DPP3: variants seen among roughly 807,000 people sequenced by gnomAD.
The protein encoded by DPP3 is DPP III.
In DPP3, 64 loss-of-function variants were observed where a neutral mutation model predicts 89.8. The ratio of observed to expected loss-of-function variants is 0.71; its 90% CI spans 0.58 to 0.88. The LOEUF is 0.88. Ranked by LOEUF, DPP3 falls within the 40% of genes least tolerant of loss-of-function variation. The pLI, the probability that DPP3 is intolerant of heterozygous loss-of-function variation, is 0.00. For missense variants in DPP3, 835 were observed against 972.5 expected (o/e 0.86, Z 1.88); for synonymous variants, 377 against 404.3 (o/e 0.93, Z 0.81).
chr11:66,480,601 G>A (rs1448209096), intron 1 of DPP3, 136 bp downstream of exon 1: 23 of 1,021,022 alleles, frequency 2.3e-5, no homozygotes, highest in Non-Finnish European at 3.1e-5. Context: ...CGCCCTCGAG[G>A]CCAAGGAGTG....
intron 4 of DPP3, among the ~76,000 whole-genome samples, chr11:66,486,961 A>T (rs1855246452): frequency 6.6e-6 from 1 of 152,036 alleles, no homozygotes; most frequent in Admixed American, 6.6e-5. Context: ...GGAGCTGAGG[A>T]GGGGATGGCA....
chr11:66,493,742 G>C, intron 12 of DPP3, 109 bp downstream of exon 12: 1 of 1,185,644 alleles, frequency 8.4e-7, no homozygotes, highest in Non-Finnish European at 1.2e-6. Context: ...GGAGCTATGG[G>C]TTGAGTGGGG....
At chr11:66,504,522 G>A in intron 16 of DPP3, 90 bp from the exon 17 acceptor site, 2 of 1,455,532 alleles carry the variant, frequency 1.4e-6, no homozygotes, top group Non-Finnish European at 1.8e-6. Context: ...GACTGTCCAG[G>A]GCTGACCACA....
chr11:66,505,625 T>TGAGGCACA (rs1855780696), intron 17 of DPP3, among the ~76,000 whole-genome samples: 1 of 152,156 alleles, frequency 6.6e-6, no homozygotes, highest in Non-Finnish European at 1.5e-5. Flanking sequence ...GTAAGGAAAC[T>TGAGGCACA]GAGGCACAGA....
At chr11:66,506,773 G>C (rs1855812624) in intron 17 of DPP3, among the ~76,000 whole-genome samples, 1 of 152,102 alleles carries the variant, frequency 6.6e-6, no homozygotes, top group African/African-American at 2.4e-5. Context: ...TCTTCCTCCA[G>C]ATCTTTGCCT....
At chr11:66,507,110 G>C (rs938717277) in intron 17 of DPP3, among the ~76,000 whole-genome samples, 2 of 152,136 alleles carry the variant, frequency 1.3e-5, no homozygotes, top group African/African-American at 4.8e-5. Flanking sequence ...GAGCCATGGG[G>C]GAGCCACTAG....
At chr11:66,504,479 A>G in intron 16 of DPP3, 133 bp from the exon 17 acceptor site, 1 of 1,005,900 alleles carries the variant, frequency 9.9e-7, no homozygotes, top group South Asian at 2.7e-5. Flanking sequence ...CAACACCAGA[A>G]TTTTGGAGGG....
rs926261464 is a variant in DPP3 at position 66,480,485 on chromosome 11, C to G, written c.-9+20C>G. The G allele has an allele frequency of 8.1e-6, 12 of 1,479,866 alleles. No individual in the cohort carries two copies. The highest frequency in any genetic ancestry group is 1.1e-5 in the Non-Finnish European group (12 of 1,123,652). The allele number at this position is 1,479,866 out of a possible 1,614,324, so 91.7% of individuals were successfully genotyped here. A position where few individuals can be genotyped will look rare whatever the true frequency, so the allele number is the denominator to read the frequency against. On this transcript the variant is annotated intron_variant, in intron 1 of 17. Transcript: ENST00000531863. ...CTGCAGGTGAGGCGCGGCGCCTGGG[C>G]TTTTGGGGTCAAAGCGTGTCATCCC...
intron 6 of DPP3, among the ~76,000 whole-genome samples, chr11:66,488,453 T>C (rs1305480810): frequency 6.6e-6 from 1 of 151,884 alleles, no homozygotes. Context: ...TTCCAGCTAC[T>C]TGGGAGACTG....
chr11:66,486,481 G>A, intron 3 of DPP3, 59 bp from the exon 4 acceptor site: 2 of 1,432,980 alleles, frequency 1.4e-6, no homozygotes, highest in Non-Finnish European at 1.8e-6. Flanking sequence ...TGGGTAGGGA[G>A]GCTCTGGAAG....
intron 15 of DPP3, among the ~76,000 whole-genome samples, chr11:66,496,603 A>G (rs1855546313): frequency 6.6e-6 from 1 of 152,022 alleles, no homozygotes; most frequent in African/African-American, 2.4e-5. Context: ...TTTAGTAGAG[A>G]TGGGGTTTCA....
rs570247513 is a variant in DPP3 at position 66,493,460 on chromosome 11, T to C, written c.1297-81T>C. 1.0e-4 allele frequency: 151 copies of C among 1,438,368 alleles called. 1 individual carries two copies. The African/African-American group carries it at 2.0e-3, about 19-fold the overall frequency. The allele number at this position is 1,438,368 out of a possible 1,614,324, so 89.1% of individuals were successfully genotyped here. ...AAGCACATGCACTGAGATGGGTCCA[T>C]GGCCCAGGGGAGGGGAGGCCGACAG... On this transcript the variant is annotated intron_variant, in intron 11 of 17. Transcript: ENST00000531863.
intron 3 of DPP3, 71 bp from the exon 4 acceptor site, chr11:66,486,469 A>T: frequency 7.1e-7 from 1 of 1,403,666 alleles, no homozygotes; most frequent in Non-Finnish European, 9.3e-7. Flanking sequence ...AGAGCTTGGG[A>T]GTGGGTAGGG....
intron 3 of DPP3, 97 bp from the exon 4 acceptor site, chr11:66,486,443 C>G (rs1208069507): frequency 5.6e-5 from 76 of 1,368,142 alleles, no homozygotes; most frequent in Non-Finnish European, 6.9e-5. Context: ...AGCCAGAGCT[C>G]TTAGATCATA....
intron 17 of DPP3, among the ~76,000 whole-genome samples, chr11:66,505,996 C>T (rs1590749127): frequency 6.6e-6 from 1 of 152,276 alleles, no homozygotes; most frequent in African/African-American, 2.4e-5. Context: ...GTCGCCTAGG[C>T]TGGAGTGTAG....
intron 5 of DPP3, 145 bp downstream of exon 5, chr11:66,487,487 A>G (rs1026648842): frequency 4.3e-5 from 36 of 839,974 alleles, no homozygotes; most frequent in Non-Finnish European, 6.8e-5. Context: ...ACCCCAGGCT[A>G]TAGAGCCTAA....
chr11:66,488,732 C>T (rs1855301045), intron 6 of DPP3, among the ~76,000 whole-genome samples: 1 of 152,158 alleles, frequency 6.6e-6, no homozygotes, highest in African/African-American at 2.4e-5. Context: ...ACCTTTGCCA[C>T]CTGGCTCTTT....
At chr11:66,495,075 C>T in intron 12 of DPP3, 131 bp from the exon 13 acceptor site, 1 of 1,297,580 alleles carries the variant, frequency 7.7e-7, no homozygotes, top group Non-Finnish European at 1.1e-6. Context: ...GTGGACAGAC[C>T]TGCTGCTCCC....
rs1029571152 is a variant in DPP3, at chr11:66,485,371, C to A, written c.360+109C>A. ...GGAGTGTCAGAAGCCCTGAGCAGAG[C>A]ATGGACCCTGTCGCTTCCACCCTGC... is the stretch of plus-strand genomic sequence containing the variant. On this transcript the variant is annotated intron_variant, in intron 3 of 17. Coordinates refer to ENST00000531863, the MANE Select transcript of DPP3 (RefSeq NM_130443.4). The A allele has an allele frequency of 5.4e-6, 6 of 1,102,358 alleles. No individual in the cohort carries two copies. In the Admixed American group the frequency reaches 8.1e-5, roughly 15 times the overall value. The allele number at this position is 1,102,358 out of a possible 1,614,324, so 68.3% of individuals were successfully genotyped here.
Sources: allele counts gnomAD v4.1 joint callset (sites outside exome capture counted in the v4.1 genomes callset), GRCh38; gene constraint gnomAD v4.1.1; transcripts MANE v1.5; gene names NCBI Gene and HGNC (gene_info 2026-07-23, HGNC 2026-07-21).